The following PIK3CD variants were observed in gnomAD, a reference collection of about 807,000 sequenced individuals.
PIK3CD encodes phosphatidylinositol-4,5-bisphosphate 3-kinase catalytic subunit delta.
In PIK3CD, 20 loss-of-function variants were observed where a neutral mutation model predicts 122.9. That is an observed-to-expected ratio of 0.16 (90% CI 0.11 to 0.24). PIK3CD has a LOEUF of 0.24. Among genes scored for constraint, PIK3CD ranks in the 10% least tolerant of loss-of-function variants. The pLI is 1.00. For synonymous variants in PIK3CD, 596 were observed against 593.4 expected, an observed-to-expected ratio of 1.00 and a Z score of -0.06; for missense variants, 787 against 1,406.3, an observed-to-expected ratio of 0.56 and a Z score of 7.04.
At chr1:9,651,850 C>G (rs1163672288) in intron 1 of PIK3CD, 48 bp downstream of exon 1, 1 of 152,136 alleles carries the variant, frequency 6.6e-6, no homozygotes, top group Non-Finnish European at 1.5e-5. Context: ...AAGAGGACCG[C>G]GGCCAGGGGC....
intron 2 of PIK3CD, among the ~76,000 whole-genome samples, chr1:9,706,056 T>TTA (rs1646819653): frequency 6.8e-6 from 1 of 146,758 alleles, no homozygotes; most frequent in East Asian, 2.0e-4. Flanking sequence ...TGGAATTTTT[T>TTA]TTTTTTTTTT....
At chr1:9,651,986 CG>C (rs1644685713) in intron 1 of PIK3CD, among the ~76,000 whole-genome samples, 184 bp downstream of exon 1, 1 of 151,734 alleles carries the variant, frequency 6.6e-6, no homozygotes. Flanking sequence ...CTGGGAGCCC[CG>C]GGGGCCGGGC....
intron 5 of PIK3CD, 53 bp downstream of exon 5, chr1:9,716,131 C>G: frequency 7.0e-7 from 1 of 1,436,192 alleles, no homozygotes; most frequent in Non-Finnish European, 9.7e-7. Context: ...ATGGGGAGCA[C>G]TTCCTCTGTG....
At chr1:9,630,427 T>A in the PIK3CD span, among the ~76,000 whole-genome samples, 2,008 of 152,334 alleles carry the variant, frequency 0.013, 44 homozygotes, top group African/African-American at 0.046. Context: ...CATGACCACA[T>A]CACTCATGTA....
At chr1:9,655,291 T>C (rs1008030833) in intron 1 of PIK3CD, among the ~76,000 whole-genome samples, 2 of 151,984 alleles carry the variant, frequency 1.3e-5, no homozygotes, top group African/African-American at 2.4e-5. Context: ...TGACAGTGTT[T>C]CATAAATAGC....
chr1:9,673,224 AAG>A (rs1424508779), intron 1 of PIK3CD, among the ~76,000 whole-genome samples: 71 of 150,842 alleles, frequency 4.7e-4, no homozygotes, highest in African/African-American at 1.7e-3. Context: ...TCAGCCTCCT[AAG>A]TAAGCAGGGA....
the PIK3CD span, among the ~76,000 whole-genome samples, chr1:9,629,461 A>ACCCCCCC: frequency 1.9e-5 from 1 of 53,628 alleles, no homozygotes. Context: ...CTGCCCCCCC[A>ACCCCCCC]CCCCCGCCCC....
In PIK3CD at chr1:9,654,702, C is replaced by T. The variant is rs561249638; in HGVS notation, c.-138+2900C>T. The T allele has an allele frequency of 1.9e-3, 671 of 345,578 alleles. 2 individuals are homozygous for T. Among genetic ancestry groups the T allele is most frequent in the Non-Finnish European group, 3.0e-3 (522 of 176,690 alleles). 21.4% of individuals were successfully genotyped at this position (345,578 alleles called of 1,614,324 possible). On this transcript the variant is annotated intron_variant, in intron 1 of 23. Transcript: ENST00000377346. ...TCCCGCCCTCCCTGAGGCCAGCTGC[C>T]GGTGTGGGCCTGATGGTGGGGTTTG...
In PIK3CD at chr1:9,725,872, C is replaced by T. The variant is rs1399512127; in HGVS notation, c.2997+936C>T. On this transcript the variant is annotated intron_variant, in intron 23 of 23. Transcript: ENST00000377346. Reference sequence around the variant, plus strand: ...AGCCTGGGCAACAAAGGCAAAACTCCGTCTCAAAAAATAATAATAAAATAA... The same window carrying T: ...AGCCTGGGCAACAAAGGCAAAACTCTGTCTCAAAAAATAATAATAAAATAA... 6.6e-5 allele frequency among the ~76,000 whole-genome samples: 10 copies of T among 151,500 alleles called. No homozygotes were observed. In the East Asian group the frequency reaches 9.7e-4, roughly 15 times the overall value.
intron 2 of PIK3CD, among the ~76,000 whole-genome samples, chr1:9,696,226 C>T (rs960898354): frequency 2.0e-5 from 3 of 152,018 alleles, no homozygotes; most frequent in African/African-American, 2.4e-5. Flanking sequence ...CCCACCGTGG[C>T]CTCCCAAAGT....
the PIK3CD span, among the ~76,000 whole-genome samples, chr1:9,632,393 T>A: frequency 6.6e-6 from 1 of 151,876 alleles, no homozygotes; most frequent in Non-Finnish European, 1.5e-5. Context: ...GGTGCAAGGA[T>A]AATGCACTAC....
chr1:9,664,045 CTTTCTTTTTTTTTT>C (rs550828536), intron 1 of PIK3CD, among the ~76,000 whole-genome samples: 77 of 137,790 alleles, frequency 5.6e-4, no homozygotes, highest in Middle Eastern at 7.8e-3. Flanking sequence ...CTTTTTCTTT[CTTTCTTTTTTTTTT>C]TTTTTTTTGA....
chr1:9,666,820 G>C (rs1487826454), intron 1 of PIK3CD, among the ~76,000 whole-genome samples: 1 of 150,544 alleles, frequency 6.6e-6, no homozygotes, highest in East Asian at 1.9e-4. Flanking sequence ...TTCTGCCTCA[G>C]CCTCCCCAGT....
the PIK3CD span, among the ~76,000 whole-genome samples, chr1:9,638,235 A>C: frequency 3.3e-5 from 5 of 152,162 alleles, no homozygotes; most frequent in African/African-American, 1.2e-4. Context: ...GAAAGATCCT[A>C]TCAGAGGAAA....
chr1:9,629,708 C>T, the PIK3CD span, among the ~76,000 whole-genome samples: 2 of 152,022 alleles, frequency 1.3e-5, no homozygotes, highest in East Asian at 1.9e-4. Context: ...GTGTGAAGTT[C>T]GGTCTAAAAC....
At chr1:9,636,654 C>T in the PIK3CD span, among the ~76,000 whole-genome samples, 1 of 152,196 alleles carries the variant, frequency 6.6e-6, no homozygotes, top group Non-Finnish European at 1.5e-5. Flanking sequence ...GGCTGGCCCT[C>T]CAGGTGGTAA....
intron 1 of PIK3CD, among the ~76,000 whole-genome samples, chr1:9,654,764 A>G (rs1394552237): frequency 2.0e-5 from 3 of 152,228 alleles, no homozygotes; most frequent in Admixed American, 2.0e-4. Flanking sequence ...TGGGACCTTC[A>G]GAAGGCTCTT....
chr1:9,716,581 G>A lies in PIK3CD; in HGVS notation c.742G>A (p.Glu248Lys). The change falls in exon 6 of 24, where the codon GAG becomes AAG. Residue 248 changes from glutamate to lysine, a missense_variant. By Grantham distance (56) the Glu-to-Lys change is moderately conservative (BLOSUM62 1). This residue lies in a region of PIK3CD where 592 missense variants were observed against 920.6 expected (regional missense o/e 0.64). Coordinates refer to ENST00000377346, the MANE Select transcript of PIK3CD (RefSeq NM_005026.5). ...CACGCTGCAGGTGAACGGCAGGCAT[G>A]AGTACCTGTATGGCAGCTACCCGCT... ...DYTLQVNGRHEYLYGSYPLCQ... is the reference protein window; with the variant it reads ...DYTLQVNGRHKYLYGSYPLCQ... 6.3e-7 allele frequency: 1 copy of A among 1,585,148 alleles called. No homozygotes were observed. The highest frequency in any genetic ancestry group is 1.1e-5 in the South Asian group (1 of 88,100).
rs907101954 is a variant in PIK3CD at position 9,718,892 on chromosome 1, A to G, written c.1219A>G (p.Thr407Ala). The change falls in exon 9 of 24, where the codon ACC becomes GCC. Residue 407 changes from threonine (T) to alanine (A), a missense_variant. Coordinates refer to ENST00000377346, the MANE Select transcript of PIK3CD (RefSeq NM_005026.5). This position sits in a 1 kb window ranked among gnomAD's most constrained non-coding sequence, Gnocchi z 7.2. ...VIEKAKKARS[T>A]KKKSKKADCP... is the part of the protein sequence containing the mutation. ...CGAGAAAGCCAAGAAGGCTCGCTCC[A>G]CCAAGAAGAAGTCCAAGAAGGCGGT... 6.2e-7 allele frequency: 1 copy of G among 1,612,900 alleles called. No individual in the cohort carries two copies. Among genetic ancestry groups the G allele is most frequent in the South Asian group, 1.1e-5 (1 of 91,072 alleles).
Sources: allele counts gnomAD v4.1 joint callset (sites outside exome capture counted in the v4.1 genomes callset), GRCh38; gene constraint gnomAD v4.1.1; regional missense constraint gnomAD v4.1.1; non-coding constraint Gnocchi (gnomAD v3.1); transcripts MANE v1.5; gene names NCBI Gene and HGNC (gene_info 2026-07-23, HGNC 2026-07-21).